Variants in PZP observed in about 807,000 individuals in gnomAD.
PZP encodes PZP alpha-2-macroglobulin like.
PZP carries 150 observed loss-of-function variants against 179.8 expected under a neutral mutation model. The observed-to-expected ratio is 0.83, with a 90% CI of 0.73 to 0.96. The LOEUF (loss-of-function observed/expected upper bound fraction) is 0.96, where lower values mean the gene tolerates loss of function less well. Among genes scored for constraint, PZP ranks in the 40% least tolerant of loss-of-function variants. PZP has a pLI of 0.00. For missense variants in PZP, 1,689 were observed against 1,764.0 expected, an observed-to-expected ratio of 0.96 and a Z score of 0.76; for synonymous variants, 624 against 652.3, an observed-to-expected ratio of 0.96 and a Z score of 0.66.
At chr12:9,187,759 A>G (rs1300734870) in intron 13 of PZP, among the ~76,000 whole-genome samples, 5 of 152,212 alleles carry the variant, frequency 3.3e-5, no homozygotes, top group East Asian at 3.9e-4. Flanking sequence ...TCACATCACA[A>G]CTGAAAGAAC....
rs114446459 is a variant in PZP, at chr12:9,162,979, G to T, written c.2737-331C>A. Among the ~76,000 whole-genome samples, 958 of 152,202 alleles carry T rather than the reference G, an allele frequency of 6.3e-3. 6 individuals carry two copies. The highest frequency in any genetic ancestry group is 0.022 in the African/African-American group (906 of 41,504). On this transcript the variant is annotated intron_variant, in intron 21 of 35. Coordinates refer to ENST00000261336, the MANE Select transcript of PZP (RefSeq NM_002864.3). ...CCATATATGTTGCTCGCCTCCATGT[G>T]TCTATGTGTTTGCATCATTCAGCTC...
At chr12:9,208,007 T>A (rs1033883860) in intron 1 of PZP, among the ~76,000 whole-genome samples, 4 of 152,210 alleles carry the variant, frequency 2.6e-5, no homozygotes, top group African/African-American at 9.6e-5. Context: ...GAAGTTGGGA[T>A]CTAGTGTTTT....
chr12:9,186,964 C>A (rs937933491), intron 13 of PZP, among the ~76,000 whole-genome samples: 1 of 149,970 alleles, frequency 6.7e-6, no homozygotes, highest in Non-Finnish European at 1.5e-5. Flanking sequence ...CAAACCTGCA[C>A]GTTCTGCCCA....
Position 9,163,756 on chromosome 12 carries a change from A to C in PZP, c.2648T>G (p.Met883Arg), listed in dbSNP as rs1305760401. 1.2e-6 allele frequency: 2 copies of C among 1,613,938 alleles called. No individual in the cohort carries two copies. The highest frequency in any genetic ancestry group is 2.7e-5 in the African/African-American group (2 of 75,026). ...ATTTCCACAGAGTTCTAAGGACTGC[A>C]TTGCCTCTGCACTCACTGAGAAGTT... is the stretch of plus-strand genomic sequence containing the variant. ...NVNFSVSAEA[M>R]QSLELCGNEV... is the part of the protein sequence containing the mutation. Residue 883 changes from methionine to arginine, a missense_variant, in exon 21 of 36, where the codon ATG becomes AGG. Physicochemically the swap from Met to Arg is moderately conservative, Grantham distance 91 (BLOSUM62 -1). Transcript: ENST00000261336.
intron 15 of PZP, among the ~76,000 whole-genome samples, chr12:9,177,445 G>T (rs766825270): frequency 6.6e-6 from 1 of 152,332 alleles, no homozygotes; most frequent in South Asian, 2.1e-4. Flanking sequence ...CAGGTCACAA[G>T]CTAGACCCAC....
chr12:9,193,473 A>G (rs1325852564), intron 11 of PZP, among the ~76,000 whole-genome samples: 1 of 152,190 alleles, frequency 6.6e-6, no homozygotes, highest in Non-Finnish European at 1.5e-5. Context: ...GTGTAGGGAC[A>G]CTATTTAGTC....
intron 18 of PZP, 33 bp downstream of exon 18, chr12:9,166,019 C>T (rs770984011): frequency 6.7e-5 from 106 of 1,578,322 alleles, no homozygotes; most frequent in Non-Finnish European, 8.5e-5. Flanking sequence ...ATTCCCTCCC[C>T]TCCAGCAAAT....
In PZP at chr12:9,150,696, T is replaced by A. The variant is rs745797449; in HGVS notation, c.4332A>T (p.Pro1444=). 6.2e-7 allele frequency: 1 copy of A among 1,613,304 alleles called. No homozygotes were observed. The highest frequency in any genetic ancestry group is 8.5e-7 in the Non-Finnish European group (1 of 1,179,520). Residue 1444 remains proline, a synonymous_variant, in exon 34 of 36, where the codon CCA becomes CCT. Coordinates refer to ENST00000261336, the MANE Select transcript of PZP (RefSeq NM_002864.3). ...CAATTGCTGGCTTCAAGTCTCCTAC[T>A]GGGATGTCTTGCAGAACCATGAAGG... ...SFSFMVLQDI[P]VGDLKPAIVK... is the part of the protein sequence containing the mutation.
At chr12:9,140,688 C>G in the PZP span, among the ~76,000 whole-genome samples, 1 of 152,118 alleles carries the variant, frequency 6.6e-6, no homozygotes, top group Non-Finnish European at 1.5e-5. Context: ...CATTAAATAC[C>G]TATGAGTTGG....
chr12:9,170,766 C>G lies in PZP; in HGVS notation c.1840-1175G>C, dbSNP rs1010951437. Among the ~76,000 whole-genome samples, 1 of 152,210 alleles carries G rather than the reference C, an allele frequency of 6.6e-6. No homozygotes were observed. Among genetic ancestry groups the G allele is most frequent in the Non-Finnish European group, 1.5e-5 (1 of 68,048 alleles). On this transcript the variant is annotated intron_variant, in intron 15 of 35. Coordinates refer to ENST00000261336, the MANE Select transcript of PZP (RefSeq NM_002864.3). This position sits in a 1 kb window ranked among gnomAD's most constrained non-coding sequence, Gnocchi z 4.6. ...TGCTTCTTTAAGTGGGACCCTGATC[C>G]ATTCCTCCTCATCGAGTGGGACCTT...
chr12:9,147,844 C>T (rs1940091196), downstream of PZP, among the ~76,000 whole-genome samples: 1 of 152,130 alleles, frequency 6.6e-6, no homozygotes. Context: ...CCAAATGTTG[C>T]CTTTATGTAT....
chr12:9,185,299 C>A (rs1405185134), intron 13 of PZP, among the ~76,000 whole-genome samples: 1 of 152,282 alleles, frequency 6.6e-6, no homozygotes, highest in African/African-American at 2.4e-5. Context: ...CAAGTATTAA[C>A]AGCAGAACAG....
In PZP at chr12:9,207,471, C is replaced by T. The variant is rs781548739; in HGVS notation, c.83+788G>A. ...ATCACAGGCTGTGTTGAAACAATAG[C>T]CATAGTATTTGAGGCAGGATGCAAA... On this transcript the variant is annotated intron_variant, in intron 1 of 35. Transcript: ENST00000261336. Among the ~76,000 whole-genome samples the T allele has an allele frequency of 3.3e-5, 5 of 152,268 alleles. No individual in the cohort carries two copies. In the South Asian group the frequency reaches 8.3e-4, roughly 25 times the overall value.
chr12:9,201,913 A>G (rs1358394554), intron 4 of PZP, among the ~76,000 whole-genome samples: 2 of 152,080 alleles, frequency 1.3e-5, no homozygotes, highest in Admixed American at 6.6e-5. Flanking sequence ...TTTCTATACT[A>G]TATGTATCGA....
At position 9,199,974 on chromosome 12, in the gene PZP, C is replaced by T. The variant is rs776319501; in HGVS notation, c.755+390G>A. On this transcript the variant is annotated intron_variant, in intron 7 of 35. Coordinates refer to ENST00000261336, the MANE Select transcript of PZP (RefSeq NM_002864.3). ...TTTTAGGACAATTGAAGATACTTGA[C>T]TGTAAACTTGCAATTAGTTTTGGAA... Among the ~76,000 whole-genome samples the T allele has an allele frequency of 7.9e-5, 12 of 152,302 alleles. No homozygotes were observed. The South Asian group carries it at 2.1e-3, about 26-fold the overall frequency.
intron 15 of PZP, among the ~76,000 whole-genome samples, chr12:9,177,371 T>C (rs1419423320): frequency 6.6e-6 from 1 of 152,184 alleles, no homozygotes; most frequent in Middle Eastern, 3.2e-3. Flanking sequence ...GAAGCAGATC[T>C]TCCAACCTCT....
intron 33 of PZP, among the ~76,000 whole-genome samples, chr12:9,151,090 A>G (rs1023874711): frequency 2.6e-5 from 4 of 152,326 alleles, no homozygotes; most frequent in African/African-American, 9.6e-5. Context: ...CTGTTTGGAT[A>G]CATAAAACAT....
rs759092261 is a variant in PZP, at chr12:9,192,265, A to G, written c.1483-9T>C. 6.2e-7 allele frequency: 1 copy of G among 1,613,472 alleles called. No individual in the cohort carries two copies. Among genetic ancestry groups the G allele is most frequent in the East Asian group, 2.2e-5 (1 of 44,866 alleles). The stretch of plus-strand genomic sequence containing the variant: ...ACTCCCTTAGCCATGATCTGAAATG[A>G]AAAAACAGTGAAGGAAATTTCTTGA... On this transcript the variant is annotated splice_polypyrimidine_tract_variant and intron_variant, in intron 12 of 35. Coordinates refer to ENST00000261336, the MANE Select transcript of PZP (RefSeq NM_002864.3).
chr12:9,139,022 T>A, the PZP span, among the ~76,000 whole-genome samples: 1 of 152,068 alleles, frequency 6.6e-6, no homozygotes, highest in African/African-American at 2.4e-5. Flanking sequence ...AAATTTGGGT[T>A]GATTATTTTA....
Sources: allele counts gnomAD v4.1 joint callset (sites outside exome capture counted in the v4.1 genomes callset), GRCh38; gene constraint gnomAD v4.1.1; non-coding constraint Gnocchi (gnomAD v3.1); transcripts MANE v1.5; gene names NCBI Gene and HGNC (gene_info 2026-07-23, HGNC 2026-07-21).